Variants in WDFY4 observed in about 807,000 individuals in gnomAD.
WDFY4 encodes WDFY family member 4, also known as WD repeat- and FYVE domain-containing protein 4.
WDFY4 carries 169 observed loss-of-function variants against 351.9 expected under a neutral mutation model. The observed-to-expected ratio is 0.48, with a 90% CI of 0.42 to 0.55. The LOEUF is 0.55. Ranked by LOEUF, WDFY4 falls within the 20% of genes least tolerant of loss-of-function variation. The probability of loss-of-function intolerance (pLI) is 0.00; values close to 1 mark genes in which losing one functional copy is unlikely to be tolerated. For synonymous variants in WDFY4, 1,622 were observed against 1,574.6 expected (o/e 1.03, Z -0.71); for missense variants, 3,803 against 3,935.6 (o/e 0.97, Z 0.90).
intron 39 of WDFY4, among the ~76,000 whole-genome samples, chr10:48,860,283 C>G (rs948846261): frequency 2.0e-5 from 3 of 152,118 alleles, no homozygotes; most frequent in African/African-American, 4.8e-5. Context: ...TTTGTCTTAT[C>G]AGCTCAGGCT....
intron 13 of WDFY4, among the ~76,000 whole-genome samples, chr10:48,771,981 C>T (rs2065879433): frequency 6.6e-6 from 1 of 152,202 alleles, no homozygotes; most frequent in Admixed American, 6.5e-5. Flanking sequence ...TTCACAGCTT[C>T]TCCTGGCTTC....
chr10:48,973,293 C>A lies in WDFY4; in HGVS notation c.8929-1569C>A, dbSNP rs144667499. Among the ~76,000 whole-genome samples, 77 of 152,354 alleles carry A rather than the reference C, an allele frequency of 5.1e-4. No homozygotes were observed. The East Asian group carries it at 0.014, about 27-fold the overall frequency. On this transcript the variant is annotated intron_variant, in intron 57 of 61. Coordinates refer to ENST00000325239, the MANE Select transcript of WDFY4 (RefSeq NM_001394531.1). ...AGATTCAGAAGGTTCCTGTCAACTCCTCTGCTTTCTCCTGCTCACTTAGGC... is the reference window on the plus strand; with the variant it reads ...AGATTCAGAAGGTTCCTGTCAACTCATCTGCTTTCTCCTGCTCACTTAGGC...
In WDFY4 at chr10:48,974,527, A is replaced by AAAAAAAAAAAAAAAACAAAACAAC; in HGVS notation, c.8929-333_8929-332insAAAAAAAAAAAAACAAAACAACAA. On this transcript the variant is annotated intron_variant, in intron 57 of 61. Transcript: ENST00000325239. ...CAAAAAAAAAAAAAAAAAAAAAAAAAAACAACTCATGACATGAACTGCTCC... is the reference window on the plus strand; with the variant it reads ...CAAAAAAAAAAAAAAAAAAAAAAAAAAAAAAAAAAAAAAAACAAAACAACAACAACTCATGACATGAACTGCTCC... Among the ~76,000 whole-genome samples the AAAAAAAAAAAAAAAACAAAACAAC allele has an allele frequency of 1.9e-3, 45 of 23,190 alleles. 8 individuals carry two copies. Among genetic ancestry groups the AAAAAAAAAAAAAAAACAAAACAAC allele is most frequent in the African/African-American group, 2.8e-3 (39 of 13,802 alleles). The allele number at this position is 23,190 out of a possible 152,430, so 15.2% of individuals were successfully genotyped here. A position where few individuals can be genotyped will look rare whatever the true frequency, so the allele number is the denominator to read the frequency against.
At chr10:48,720,252 G>A in intron 3 of WDFY4, 127 bp downstream of exon 3, 1 of 960,914 alleles carries the variant, frequency 1.0e-6, no homozygotes, top group Non-Finnish European at 1.5e-6. Flanking sequence ...AAGAGAAGTA[G>A]GCCCCACTCT....
intron 45 of WDFY4, among the ~76,000 whole-genome samples, chr10:48,898,846 G>A (rs1837218987): frequency 6.6e-6 from 1 of 150,826 alleles, no homozygotes; most frequent in African/African-American, 2.5e-5. Flanking sequence ...AGTGCTGCTG[G>A]TTCTGGGCCA....
intron 52 of WDFY4, among the ~76,000 whole-genome samples, chr10:48,957,959 G>A (rs1020847839): frequency 6.6e-6 from 1 of 152,246 alleles, no homozygotes; most frequent in Non-Finnish European, 1.5e-5. Flanking sequence ...CGTGGTCACA[G>A]CCTGGGCAGG....
chr10:48,919,090 C>T lies in WDFY4; in HGVS notation c.7586+17227C>T, dbSNP rs75677394. Among the ~76,000 whole-genome samples, 130 of 151,864 alleles carry T rather than the reference C, an allele frequency of 8.6e-4. 2 individuals are homozygous for T. In the East Asian group the frequency reaches 0.022, roughly 26 times the overall value. On this transcript the variant is annotated intron_variant, in intron 47 of 61. Coordinates refer to ENST00000325239, the MANE Select transcript of WDFY4 (RefSeq NM_001394531.1). ...TTTTGGGTCATGAAACAAGCCTTAA[C>T]GAATTTAAAGGAGTTGAAATTGTAC...
At chr10:48,716,603 G>A (rs1267609084) in intron 2 of WDFY4, among the ~76,000 whole-genome samples, 7 of 152,226 alleles carry the variant, frequency 4.6e-5, no homozygotes, top group East Asian at 1.9e-4. Flanking sequence ...AAGAGTTAAC[G>A]CAGCTTCCAG....
At chr10:48,901,034 G>C (rs1837325366) in intron 46 of WDFY4, among the ~76,000 whole-genome samples, 1 of 152,176 alleles carries the variant, frequency 6.6e-6, no homozygotes, top group Admixed American at 6.5e-5. Context: ...TGGCCAAGGA[G>C]CCCATTTTGT....
chr10:48,890,802 C>T, intron 44 of WDFY4, 75 bp downstream of exon 44: 2 of 1,530,002 alleles, frequency 1.3e-6, no homozygotes, highest in East Asian at 2.5e-5. Flanking sequence ...CACTATTCCC[C>T]TTCTCACCTT....
intron 1 of WDFY4, among the ~76,000 whole-genome samples, chr10:48,688,397 T>G (rs989345551): frequency 1.3e-5 from 2 of 152,254 alleles, no homozygotes; most frequent in African/African-American, 4.8e-5. Context: ...AGAAGTGATA[T>G]CTTTATGAAA....
rs536493424 is a variant in WDFY4, at chr10:48,982,904, T to G, written c.*329T>G. ...AAAAAAAAAAAGATGGGTCGCTTAC[T>G]GGAAATTATTGTATTGTCTTTATTT... On this transcript the variant is annotated 3_prime_UTR_variant, in exon 62 of 62. Transcript: ENST00000325239. 1.3e-5 allele frequency: 5 copies of G among 381,772 alleles called. No homozygotes were observed. The East Asian group carries it at 3.3e-4, about 26-fold the overall frequency. 23.6% of individuals were successfully genotyped at this position (381,772 alleles called of 1,614,324 possible).
intron 57 of WDFY4, among the ~76,000 whole-genome samples, chr10:48,971,356 C>T (rs944825696): frequency 3.3e-5 from 5 of 152,040 alleles, no homozygotes; most frequent in Non-Finnish European, 4.4e-5. Flanking sequence ...ATTAGCCAGG[C>T]GTGGTGGTGG....
chr10:48,974,816 G>C, intron 57 of WDFY4, 46 bp from the exon 58 acceptor site: 1 of 1,470,204 alleles, frequency 6.8e-7, no homozygotes, highest in Non-Finnish European at 9.0e-7. Context: ...CCCAAAAGTA[G>C]CTGAATTGAG....
chr10:48,919,196 G>C (rs1229826742), intron 47 of WDFY4, among the ~76,000 whole-genome samples: 1 of 151,712 alleles, frequency 6.6e-6, no homozygotes, highest in African/African-American at 2.4e-5. Flanking sequence ...AGAAAGAGAA[G>C]CCAAATTACA....
intron 7 of WDFY4, 56 bp from the exon 8 acceptor site, chr10:48,729,376 G>C: frequency 6.5e-7 from 1 of 1,539,590 alleles, no homozygotes; most frequent in Admixed American, 2.0e-5. Context: ...CACCATGCAC[G>C]CATGTGGCTG....
chr10:48,915,021 G>T (rs1474132722), intron 47 of WDFY4, among the ~76,000 whole-genome samples: 1 of 152,226 alleles, frequency 6.6e-6, no homozygotes, highest in Non-Finnish European at 1.5e-5. Context: ...GAATGTCAAT[G>T]TGATGTGATG....
intron 43 of WDFY4, among the ~76,000 whole-genome samples, chr10:48,883,366 G>A (rs1391089387): frequency 2.7e-5 from 4 of 150,530 alleles, no homozygotes; most frequent in Non-Finnish European, 4.4e-5. Context: ...ACATGTTCAG[G>A]CAAATAGAAA....
rs754677626 is a variant in WDFY4, at chr10:48,774,619, C to T, written c.2715C>T (p.Leu905=). ...VTSGSPLHSR[L]IRIFEKLASQ... ...GTGGCAGCCCCCTCCACTCACGCCT[C>T]ATCAGGATCTTTGAGAAGCTCGCTT... is the stretch of plus-strand genomic sequence containing the variant. The change falls in exon 14 of 62, where the codon CTC becomes CTT. Residue 905 remains leucine (L), a synonymous_variant. Coordinates refer to ENST00000325239, the MANE Select transcript of WDFY4 (RefSeq NM_001394531.1). The T allele has an allele frequency of 4.9e-5, 76 of 1,551,664 alleles. No individual in the cohort carries two copies. The highest frequency in any genetic ancestry group is 1.7e-4 in the Middle Eastern group (1 of 6,014).
Sources: allele counts gnomAD v4.1 joint callset (sites outside exome capture counted in the v4.1 genomes callset), GRCh38; gene constraint gnomAD v4.1.1; transcripts MANE v1.5; gene names NCBI Gene and HGNC (gene_info 2026-07-23, HGNC 2026-07-21).